SLC14A2: variants seen among roughly 807,000 people sequenced by gnomAD.
SLC14A2 encodes urea transporter 2.
Under a neutral mutation model 104.6 loss-of-function variants are expected in SLC14A2, and 91 were observed. That is an observed-to-expected ratio of 0.87 (90% CI 0.73 to 1.04). SLC14A2 has a LOEUF of 1.04. Ranked by LOEUF, SLC14A2 falls within the 50% of genes least tolerant of loss-of-function variation. The pLI, the probability that SLC14A2 is intolerant of heterozygous loss-of-function variation, is 0.00. For synonymous variants in SLC14A2, 476 were observed against 466.4 expected, an observed-to-expected ratio of 1.02 and a Z score of -0.27; for missense variants, 1,189 against 1,156.0, an observed-to-expected ratio of 1.03 and a Z score of -0.41.
intron 8 of SLC14A2, 126 bp downstream of exon 8, chr18:45,641,469 T>C (rs1000108663): frequency 1.4e-5 from 15 of 1,071,592 alleles, no homozygotes; most frequent in African/African-American, 3.1e-5. Context: ...ATGGCTTGCG[T>C]CCTAATGCCA....
intron 2 of SLC14A2, among the ~76,000 whole-genome samples, chr18:45,506,144 T>C (rs1231455920): frequency 6.6e-6 from 1 of 152,204 alleles, no homozygotes; most frequent in Non-Finnish European, 1.5e-5. Context: ...TCCAGTCCTG[T>C]ACCCCTCCCA....
chr18:45,177,418 A>G, the SLC14A2 span, among the ~76,000 whole-genome samples: 1 of 152,220 alleles, frequency 6.6e-6, no homozygotes, highest in East Asian at 1.9e-4. Context: ...AAGAGCTGGC[A>G]GGGCCCTACC....
At chr18:45,283,359 C>T (rs2084782392) in intron 1 of SLC14A2, among the ~76,000 whole-genome samples, 1 of 137,344 alleles carries the variant, frequency 7.3e-6, no homozygotes, top group Admixed American at 7.2e-5. Flanking sequence ...ACTGAGACTT[C>T]TATAAGCCCA....
the SLC14A2 span, among the ~76,000 whole-genome samples, chr18:45,174,815 A>T: frequency 6.6e-6 from 1 of 152,202 alleles, no homozygotes; most frequent in Non-Finnish European, 1.5e-5. Context: ...TGGATCATGC[A>T]TATGAACAGA....
intron 10 of SLC14A2, among the ~76,000 whole-genome samples, chr18:45,644,665 A>G (rs551189536): frequency 1.3e-5 from 2 of 152,278 alleles, no homozygotes; most frequent in Admixed American, 1.3e-4. Flanking sequence ...ATGGGATTTT[A>G]AAGTCAAAAC....
chr18:45,379,320 T>C (rs2085808412), intron 1 of SLC14A2, among the ~76,000 whole-genome samples: 1 of 152,228 alleles, frequency 6.6e-6, no homozygotes, highest in Non-Finnish European at 1.5e-5. Flanking sequence ...TCTTATAAAT[T>C]CCGCCCACTG....
intron 1 of SLC14A2, among the ~76,000 whole-genome samples, chr18:45,289,560 C>T (rs2084849000): frequency 6.6e-6 from 1 of 152,152 alleles, no homozygotes; most frequent in Non-Finnish European, 1.5e-5. Context: ...ATCCTTTAGC[C>T]AGGGCAGCGA....
intron 2 of SLC14A2, among the ~76,000 whole-genome samples, chr18:45,559,500 C>T (rs1223934013): frequency 1.3e-5 from 2 of 152,226 alleles, no homozygotes; most frequent in Admixed American, 1.3e-4. Context: ...CCAGAAATAC[C>T]ATCTGGCCAC....
rs190704859 is a variant in SLC14A2, at chr18:45,423,951, T to C, written c.-124-59282T>C. On this transcript the variant is annotated intron_variant, in intron 1 of 20. Coordinates refer to the SLC14A2 transcript ENST00000586448. Reference sequence around the variant, plus strand: ...GGAGTATGTTTTCATTCCTTATTCATCTCTCTCTTGGTTTTCTACAATAGA... The same window carrying C: ...GGAGTATGTTTTCATTCCTTATTCACCTCTCTCTTGGTTTTCTACAATAGA... 20 of 152,312 alleles carry C rather than the reference T, an allele frequency of 1.3e-4. 1 individual carries two copies. Among genetic ancestry groups the C allele is most frequent in the Admixed American group, 5.2e-4 (8 of 15,304 alleles). The allele number at this position is 152,312 out of a possible 1,614,324, so 9.4% of individuals were successfully genotyped here.
chr18:45,480,260 A>T (rs2087466807), intron 1 of SLC14A2, among the ~76,000 whole-genome samples: 1 of 142,598 alleles, frequency 7.0e-6, no homozygotes, highest in African/African-American at 2.5e-5. Context: ...GTCTAATCCC[A>T]GACAAGATTC....
At chr18:45,618,951 A>C (rs1451411249) in intron 1 of SLC14A2, among the ~76,000 whole-genome samples, 1 of 152,162 alleles carries the variant, frequency 6.6e-6, no homozygotes, top group African/African-American at 2.4e-5. Context: ...TCTTTAGGAG[A>C]AAATAATCAG....
chr18:45,568,436 T>C (rs2044298316), intron 2 of SLC14A2, among the ~76,000 whole-genome samples: 1 of 152,220 alleles, frequency 6.6e-6, no homozygotes, highest in Admixed American at 6.5e-5. Flanking sequence ...GCTGGCTAAA[T>C]GTGTTATGGT....
At chr18:45,425,490 G>C (rs1023414894) in intron 1 of SLC14A2, among the ~76,000 whole-genome samples, 11 of 152,114 alleles carry the variant, frequency 7.2e-5, no homozygotes, top group African/African-American at 2.7e-4. Context: ...TTCTGTCCCT[G>C]TTAGTCCCCC....
chr18:45,673,661 T>C, intron 17 of SLC14A2, 22 bp from the exon 18 acceptor site: 1 of 1,612,136 alleles, frequency 6.2e-7, no homozygotes, highest in Non-Finnish European at 8.5e-7. Context: ...GACCCAACCC[T>C]GATGCCTGCC....
chr18:45,376,549 G>T (rs1442696807), intron 1 of SLC14A2, among the ~76,000 whole-genome samples: 1 of 152,158 alleles, frequency 6.6e-6, no homozygotes. Flanking sequence ...TAGCTGGAAA[G>T]ACAAACACAC....
chr18:45,245,764 C>T (rs2084362412), intron 1 of SLC14A2, among the ~76,000 whole-genome samples: 1 of 151,794 alleles, frequency 6.6e-6, no homozygotes, highest in South Asian at 2.1e-4. Context: ...ATACTATCCA[C>T]TCACTCAGTC....
intron 1 of SLC14A2, among the ~76,000 whole-genome samples, chr18:45,460,026 T>A (rs1339843795): frequency 6.6e-6 from 1 of 152,218 alleles, no homozygotes; most frequent in Admixed American, 6.5e-5. Context: ...CAGCACCCAA[T>A]ATCCCGGACT....
At chr18:45,477,302 A>G (rs1241309957) in intron 1 of SLC14A2, among the ~76,000 whole-genome samples, 1 of 152,142 alleles carries the variant, frequency 6.6e-6, no homozygotes, top group Non-Finnish European at 1.5e-5. Flanking sequence ...CCTGGGTATC[A>G]CCAGTGGAAG....
At chr18:45,462,249 T>C (rs2087058937) in intron 1 of SLC14A2, among the ~76,000 whole-genome samples, 1 of 152,224 alleles carries the variant, frequency 6.6e-6, no homozygotes, top group African/African-American at 2.4e-5. Context: ...CCTCTTCAAC[T>C]GTCCCCCATA....
Sources: allele counts gnomAD v4.1 joint callset (sites outside exome capture counted in the v4.1 genomes callset), GRCh38; gene constraint gnomAD v4.1.1; transcripts MANE v1.5; gene names NCBI Gene and HGNC (gene_info 2026-07-23, HGNC 2026-07-21).